Variants in ZDHHC15 observed in about 807,000 individuals in gnomAD.
ZDHHC15 encodes the protein zDHHC palmitoyltransferase 15, also known as palmitoyltransferase ZDHHC15.
ZDHHC15 carries 19 observed loss-of-function variants against 31.7 expected under a neutral mutation model. The ratio of observed to expected loss-of-function variants is 0.60; its 90% CI spans 0.42 to 0.88. The LOEUF (loss-of-function observed/expected upper bound fraction) is 0.88. Among genes scored for constraint, ZDHHC15 ranks in the 40% least tolerant of loss-of-function variants. The pLI, the probability that ZDHHC15 is intolerant of heterozygous loss-of-function variation, is 0.00. For missense variants in ZDHHC15, 209 were observed against 251.2 expected (o/e 0.83, Z 1.14); for synonymous variants, 103 against 90.0 (o/e 1.14, Z -0.82).
intron 8 of ZDHHC15, among the ~76,000 whole-genome samples, chrX:75,423,712 A>C (rs542151122): frequency 5.6e-5 from 6 of 107,349 alleles, no homozygotes; most frequent in African/African-American, 2.0e-4. Context: ...GCTGGTCTCA[A>C]ACTCCTCAGC....
chrX:75,489,793 G>A (rs770753965), intron 2 of ZDHHC15, among the ~76,000 whole-genome samples: 6 of 111,897 alleles, frequency 5.4e-5, no homozygotes, highest in Admixed American at 9.5e-5. Context: ...GAACTACTCC[G>A]AGCTAAAGGA....
chrX:75,461,265 C>A (rs1326373986), intron 3 of ZDHHC15, among the ~76,000 whole-genome samples: 1 of 111,629 alleles, frequency 9.0e-6, no homozygotes, highest in Non-Finnish European at 1.9e-5. Flanking sequence ...TGAATAAAAT[C>A]TGAGAAATAT....
intron 2 of ZDHHC15, among the ~76,000 whole-genome samples, chrX:75,495,494 C>T (rs1050383981): frequency 1.5e-4 from 17 of 110,416 alleles, no homozygotes; most frequent in African/African-American, 4.3e-4. Flanking sequence ...ATGTTTATTG[C>T]GGCACTATTC....
chrX:75,450,138 A>C (rs1162203536), intron 4 of ZDHHC15, among the ~76,000 whole-genome samples: 1 of 112,362 alleles, frequency 8.9e-6, no homozygotes, highest in African/African-American at 3.2e-5. Context: ...AGATGGATGA[A>C]TCTTACAAAC....
chrX:75,481,973 ACT>A (rs1444070226), intron 2 of ZDHHC15, among the ~76,000 whole-genome samples: 1 of 111,796 alleles, frequency 8.9e-6, no homozygotes, highest in Non-Finnish European at 1.9e-5. Flanking sequence ...TGCTTTACAA[ACT>A]CTAACAAAAA....
In ZDHHC15 at chrX:75,370,263, G is replaced by A. The variant is rs967882170; in HGVS notation, c.*2715C>T. ...ATGAGTATCAACAATTAGGGAATGA[G>A]ATTCCACAGAGGTTATTGGACAGGG... is the stretch of plus-strand genomic sequence containing the variant. On this transcript the variant is annotated 3_prime_UTR_variant, in exon 12 of 12. Transcript: ENST00000373367. 3 of 111,140 alleles carry A rather than the reference G, an allele frequency of 2.7e-5. No individual in the cohort carries two copies. The highest frequency in any genetic ancestry group is 3.8e-5 in the Non-Finnish European group (2 of 53,090). The allele number at this position is 111,140 out of a possible 1,213,427, so 9.2% of individuals were successfully genotyped here.
chrX:75,447,400 C>T (rs997364494), intron 4 of ZDHHC15, among the ~76,000 whole-genome samples: 13 of 112,520 alleles, frequency 1.2e-4, no homozygotes, highest in African/African-American at 3.6e-4. Flanking sequence ...AGCATTACAT[C>T]TGATCAAGGA....
intron 10 of ZDHHC15, among the ~76,000 whole-genome samples, chrX:75,403,888 C>T (rs1218647832): frequency 9.0e-6 from 1 of 111,566 alleles, no homozygotes; most frequent in Non-Finnish European, 1.9e-5. Context: ...TTAAAATTCT[C>T]ATGGAAGCAA....
intron 10 of ZDHHC15, among the ~76,000 whole-genome samples, chrX:75,398,416 A>T (rs1316128026): frequency 1.8e-5 from 2 of 111,747 alleles, no homozygotes; most frequent in Admixed American, 1.9e-4. Context: ...GGCCACCCCC[A>T]CCCAATCTCT....
rs138064587 is a variant in ZDHHC15, at chrX:75,433,656, AGTGTGT to A, written c.380-2142_380-2137del. 5.4e-3 allele frequency among the ~76,000 whole-genome samples: 289 copies of A among 53,532 alleles called. 3 individuals are homozygous for A. The highest frequency in any genetic ancestry group is 0.015 in the African/African-American group (278 of 18,658). The allele number at this position is 53,532 out of a possible 115,157, so 46.5% of individuals were successfully genotyped here. The stretch of plus-strand genomic sequence containing the variant: ...TAGTGTATATTTTTTATGGCTGAGT[AGTGTGT>A]GTGTGTGTGTGTGTGTGTGTGTGTG... On this transcript the variant is annotated intron_variant, in intron 4 of 11. Coordinates refer to ENST00000373367, the MANE Select transcript of ZDHHC15 (RefSeq NM_144969.3).
rs141283305 is a variant in ZDHHC15 at position 75,449,535 on chromosome X, T to G, written c.379+1267A>C. Among the ~76,000 whole-genome samples, 661 of 111,707 alleles carry G rather than the reference T, an allele frequency of 5.9e-3. 5 individuals carry two copies. The highest frequency in any genetic ancestry group is 0.021 in the African/African-American group (641 of 30,740). On this transcript the variant is annotated intron_variant, in intron 4 of 11. Transcript: ENST00000373367. ...ATCATTTTAAACAAATCCCAAACAC[T>G]GTGTCACTTCAAACCATAAATATTT...
chrX:75,436,150 T>G (rs761011210), intron 4 of ZDHHC15, among the ~76,000 whole-genome samples: 3 of 111,802 alleles, frequency 2.7e-5, no homozygotes, highest in Admixed American at 9.6e-5. Flanking sequence ...TTAGTTGCCT[T>G]GAATGATCTT....
intron 4 of ZDHHC15, among the ~76,000 whole-genome samples, chrX:75,444,934 A>G (rs1418345648): frequency 9.3e-6 from 1 of 107,879 alleles, no homozygotes; most frequent in Non-Finnish European, 1.9e-5. Context: ...TCAAACTGGA[A>G]CTTACACTAT....
chrX:75,409,870 T>G (rs982907140), intron 10 of ZDHHC15, among the ~76,000 whole-genome samples: 9 of 103,954 alleles, frequency 8.7e-5, no homozygotes, highest in Non-Finnish European at 1.4e-4. Context: ...GCATGGTGCA[T>G]GGTGTTGGGA....
intron 4 of ZDHHC15, among the ~76,000 whole-genome samples, chrX:75,449,197 TCTATACACACACACACACACACACACAC>T (rs1368717556): frequency 5.0e-4 from 18 of 36,053 alleles, no homozygotes; most frequent in African/African-American, 1.1e-3. Flanking sequence ...TCTCTCTCTC[TCTATACACACACACACACACACACACAC>T]ACACACACAC....
chrX:75,397,275 TGAG>T (rs2083308670), intron 10 of ZDHHC15, among the ~76,000 whole-genome samples: 1 of 108,637 alleles, frequency 9.2e-6, no homozygotes, highest in South Asian at 4.0e-4. Flanking sequence ...TGCAGTGAGC[TGAG>T]ATCACACCAC....
chrX:75,515,010 C>A (rs1030578854), intron 1 of ZDHHC15, among the ~76,000 whole-genome samples: 13 of 111,251 alleles, frequency 1.2e-4, no homozygotes, highest in African/African-American at 3.3e-4. Flanking sequence ...ATACACCATC[C>A]CAAGACTAAA....
intron 2 of ZDHHC15, among the ~76,000 whole-genome samples, chrX:75,481,516 G>C (rs1297243240): frequency 8.9e-6 from 1 of 111,735 alleles, no homozygotes; most frequent in Non-Finnish European, 1.9e-5. Flanking sequence ...AGAAATTATG[G>C]GTACTGTTAA....
chrX:75,395,611 ACT>A (rs2083291540), intron 10 of ZDHHC15, among the ~76,000 whole-genome samples: 1 of 112,145 alleles, frequency 8.9e-6, no homozygotes, highest in African/African-American at 3.2e-5. Flanking sequence ...AAATGTCCAT[ACT>A]ACCCAAAGCA....
Sources: allele counts gnomAD v4.1 joint callset (sites outside exome capture counted in the v4.1 genomes callset), GRCh38; gene constraint gnomAD v4.1.1; transcripts MANE v1.5; gene names NCBI Gene and HGNC (gene_info 2026-07-23, HGNC 2026-07-21).